CDIP1: variants seen among roughly 807,000 people sequenced by gnomAD.
CDIP1 encodes the protein cell death-inducing p53-target protein 1.
CDIP1 carries 9 observed loss-of-function variants against 17.7 expected under a neutral mutation model. The observed-to-expected ratio is 0.51, with a 90% CI of 0.31 to 0.89. CDIP1 has a LOEUF of 0.89. CDIP1 is among the 40% of genes least tolerant of loss of function. The pLI is 0.05. For missense variants in CDIP1, 263 were observed against 277.9 expected (o/e 0.95, Z 0.38); for synonymous variants, 117 against 109.5 (o/e 1.07, Z -0.43).
chr16:4,535,693 C>T (rs2059099545), intron 1 of CDIP1, among the ~76,000 whole-genome samples: 1 of 152,254 alleles, frequency 6.6e-6, no homozygotes. Flanking sequence ...TGATGACTCA[C>T]AGAGTAGGAG....
At chr16:4,523,453 G>A (rs530362830) in intron 1 of CDIP1, among the ~76,000 whole-genome samples, 8 of 152,134 alleles carry the variant, frequency 5.3e-5, no homozygotes, top group Admixed American at 1.3e-4. Flanking sequence ...GGCGGAGGTT[G>A]TAGTGAGCCA....
intron 1 of CDIP1, among the ~76,000 whole-genome samples, chr16:4,515,391 A>T (rs2058877860): frequency 6.6e-6 from 1 of 152,254 alleles, no homozygotes; most frequent in African/African-American, 2.4e-5. Flanking sequence ...TGCAGGCATC[A>T]ATCTTTATGA....
chr16:4,525,117 A>G (rs1416609933), intron 1 of CDIP1, among the ~76,000 whole-genome samples: 2 of 151,980 alleles, frequency 1.3e-5, no homozygotes, highest in Non-Finnish European at 2.9e-5. Context: ...CCACAAAAAT[A>G]TATCTCTACA....
At chr16:4,523,204 A>T (rs1031603443) in intron 1 of CDIP1, among the ~76,000 whole-genome samples, 1 of 152,174 alleles carries the variant, frequency 6.6e-6, no homozygotes. Context: ...TCCGTGCCAG[A>T]TACAGGCTGG....
rs370057958 is a variant in CDIP1 at position 4,513,722 on chromosome 16, C to T, written c.215G>A (p.Ser72Asn). 5.6e-6 allele frequency: 9 copies of T among 1,613,662 alleles called. No individual in the cohort carries two copies. The highest frequency in any genetic ancestry group is 1.3e-5 in the African/African-American group (1 of 74,926). ...PQPGFIPPHM[S>N]ADGTYMPPGF... ...CGGAGGCATGTAGGTGCCATCTGCA[C>T]TCATGTGTGGTGGGATGAAGCCAGG... The change falls in exon 4 of 6, where the codon AGT (serine) becomes AAT (asparagine). Residue 72 changes from serine (S) to asparagine (N), a missense_variant. Coordinates refer to ENST00000567695, the MANE Select transcript of CDIP1 (RefSeq NM_013399.3). The surrounding 1 kb of genome is among the most constrained non-coding windows in gnomAD (Gnocchi z 4.1).
In CDIP1 at chr16:4,514,627, T is replaced by A. The variant is rs1201561187; in HGVS notation, c.-67A>T. On this transcript the variant is annotated 5_prime_UTR_variant, in exon 2 of 6. Coordinates refer to ENST00000567695, the MANE Select transcript of CDIP1 (RefSeq NM_013399.3). The surrounding 1 kb of genome is among the most constrained non-coding windows in gnomAD (Gnocchi z 5.2). ...AGGCAGGTGAGGCTCCTTCAGCTGCTGGCCTGGATGGACAGGGAACAGGCA... is the reference window on the plus strand; with the variant it reads ...AGGCAGGTGAGGCTCCTTCAGCTGCAGGCCTGGATGGACAGGGAACAGGCA... The A allele has an allele frequency of 1.9e-5, 3 of 154,012 alleles. No individual in the cohort carries two copies. Among genetic ancestry groups the A allele is most frequent in the African/African-American group, 7.2e-5 (3 of 41,520 alleles). 9.5% of individuals were successfully genotyped at this position (154,012 alleles called of 1,614,324 possible).
chr16:4,517,197 T>G (rs1249008663), intron 1 of CDIP1, among the ~76,000 whole-genome samples: 1 of 152,202 alleles, frequency 6.6e-6, no homozygotes, highest in Non-Finnish European at 1.5e-5. Context: ...GGATGCCAAT[T>G]TATAGTGCCA....
At chr16:4,525,673 G>C (rs1484377965) in intron 1 of CDIP1, among the ~76,000 whole-genome samples, 2 of 152,210 alleles carry the variant, frequency 1.3e-5, no homozygotes, top group African/African-American at 4.8e-5. Flanking sequence ...CCCAACGCTG[G>C]GTGATGAGCA....
chr16:4,520,632 A>T (rs1392159572), intron 1 of CDIP1, among the ~76,000 whole-genome samples: 1 of 152,152 alleles, frequency 6.6e-6, no homozygotes, highest in South Asian at 2.1e-4. Context: ...ATATTTTTTT[A>T]AATCACATTG....
intron 1 of CDIP1, chr16:4,538,289 C>G (rs1397275769): frequency 6.6e-6 from 1 of 152,240 alleles, no homozygotes; most frequent in African/African-American, 2.4e-5. Flanking sequence ...GGACGGGCCC[C>G]GCCATGCCGC....
At chr16:4,530,542 G>A (rs1039389653) in intron 1 of CDIP1, among the ~76,000 whole-genome samples, 3 of 152,032 alleles carry the variant, frequency 2.0e-5, no homozygotes, top group South Asian at 2.1e-4. Flanking sequence ...CCAGCTACTC[G>A]GGAGGCTGAG....
chr16:4,526,548 A>G (rs2141650295), intron 1 of CDIP1, among the ~76,000 whole-genome samples: 1 of 151,438 alleles, frequency 6.6e-6, no homozygotes, highest in Admixed American at 6.6e-5. Context: ...AAATACAAAA[A>G]AATTAGCCAG....
chr16:4,531,060 A>G (rs2059052327), intron 1 of CDIP1, among the ~76,000 whole-genome samples: 2 of 151,670 alleles, frequency 1.3e-5, no homozygotes, highest in East Asian at 1.9e-4. Flanking sequence ...TATGACTCAG[A>G]CATCAGAGAC....
intron 1 of CDIP1, among the ~76,000 whole-genome samples, chr16:4,530,659 A>AC (rs2059046959): frequency 6.6e-6 from 1 of 151,234 alleles, no homozygotes; most frequent in Non-Finnish European, 1.5e-5. Context: ...AAAAAAAAAA[A>AC]ACAAAAACAA....
intron 1 of CDIP1, among the ~76,000 whole-genome samples, chr16:4,516,470 G>C (rs903205701): frequency 6.6e-6 from 1 of 152,058 alleles, no homozygotes; most frequent in African/African-American, 2.4e-5. Context: ...TCCTACTGCA[G>C]CCCATCTCCA....
chr16:4,513,030 C>T lies in CDIP1; in HGVS notation c.276G>A (p.Met92Ile), dbSNP rs2058849294. 1.3e-6 allele frequency: 2 copies of T among 1,595,086 alleles called. No homozygotes were observed. The highest frequency in any genetic ancestry group is 1.7e-6 in the Non-Finnish European group (2 of 1,173,036). The part of the protein sequence containing the change: ...FYPPPGPHPP[M>I]GYYPPGPYTP... Reference sequence around the variant, plus strand: ...TGTAGGGCCCTGGGGGGTAGTAGCCCATGGGTGGGTGGGGGCCTGGAGGAG... The same window carrying T: ...TGTAGGGCCCTGGGGGGTAGTAGCCTATGGGTGGGTGGGGGCCTGGAGGAG... The change falls in exon 5 of 6, where the codon ATG (methionine) becomes ATA (isoleucine). Residue 92 changes from methionine to isoleucine, a missense_variant. Physicochemically the swap from Met to Ile is conservative, Grantham distance 10. Transcript: ENST00000567695. The surrounding 1 kb of genome is among the most constrained non-coding windows in gnomAD (Gnocchi z 4.1).
intron 1 of CDIP1, chr16:4,524,321 G>C (rs1329865686): frequency 1.3e-5 from 2 of 152,266 alleles, no homozygotes; most frequent in Non-Finnish European, 2.9e-5. Flanking sequence ...GAAGAAGGCA[G>C]AATAACAAGA....
chr16:4,520,314 A>G (rs757400534), intron 1 of CDIP1, among the ~76,000 whole-genome samples: 29 of 152,188 alleles, frequency 1.9e-4, no homozygotes, highest in Non-Finnish European at 2.5e-4. Flanking sequence ...CATGTTGACC[A>G]GGATGGTCTC....
intron 1 of CDIP1, among the ~76,000 whole-genome samples, chr16:4,516,436 A>G (rs559001877): frequency 5.3e-5 from 8 of 152,302 alleles, no homozygotes; most frequent in Admixed American, 2.0e-4. Flanking sequence ...TATTTTTAAA[A>G]AAAATGAGGG....
Sources: gnomAD v4.1 joint callset for allele counts (sites outside exome capture counted in the v4.1 genomes callset) on GRCh38, gnomAD v4.1.1 for gene constraint, Gnocchi (gnomAD v3.1) non-coding constraint, MANE v1.5 for transcripts, NCBI Gene and HGNC (gene_info 2026-07-23, HGNC 2026-07-21) for gene names.